The following ANKRD6 variants were observed in gnomAD, a reference collection of about 807,000 sequenced individuals.
ANKRD6 encodes ankyrin repeat domain-containing protein 6.
In ANKRD6, 56 loss-of-function variants were observed where a neutral mutation model predicts 82.3. That is an observed-to-expected ratio of 0.68 (90% CI 0.55 to 0.85). The LOEUF is 0.85. ANKRD6 is among the 40% of genes least tolerant of loss of function. ANKRD6 has a pLI of 0.00. For synonymous variants in ANKRD6, 347 were observed against 352.1 expected, an observed-to-expected ratio of 0.99 and a Z score of 0.16; for missense variants, 852 against 907.6, an observed-to-expected ratio of 0.94 and a Z score of 0.79.
In ANKRD6 at chr6:89,627,706, A is replaced by C; in HGVS notation, c.1485+10A>C. ...GGGGGAGAAACGACAGGTAGGAACC[A>C]GCATCTGCTAGTCCTTAACTTATGA... On this transcript the variant is annotated intron_variant, in intron 14 of 15. Transcript: ENST00000339746. 2 of 1,611,994 alleles carry C rather than the reference A, an allele frequency of 1.2e-6. No individual in the cohort carries two copies. Among genetic ancestry groups the C allele is most frequent in the South Asian group, 2.2e-5 (2 of 91,014 alleles).
At chr6:89,574,548 C>T (rs965738574) in intron 2 of ANKRD6, among the ~76,000 whole-genome samples, 1 of 152,198 alleles carries the variant, frequency 6.6e-6, no homozygotes, top group Non-Finnish European at 1.5e-5. Flanking sequence ...ACTCACATCC[C>T]ATCTGTGCCG....
chr6:89,466,859 A>G (rs1233324359), intron 1 of ANKRD6, among the ~76,000 whole-genome samples: 1 of 152,180 alleles, frequency 6.6e-6, no homozygotes, highest in Non-Finnish European at 1.5e-5. Flanking sequence ...GGCCCGTGCC[A>G]CCAAACCCGG....
At chr6:89,577,957 A>T (rs892634883) in intron 2 of ANKRD6, among the ~76,000 whole-genome samples, 1 of 152,238 alleles carries the variant, frequency 6.6e-6, no homozygotes, top group Admixed American at 6.5e-5. Flanking sequence ...ATTCATCTCC[A>T]TTTGATACCT....
At chr6:89,609,950 A>G (rs527516543) in intron 5 of ANKRD6, among the ~76,000 whole-genome samples, 17 of 152,278 alleles carry the variant, frequency 1.1e-4, no homozygotes, top group Middle Eastern at 3.4e-3. Flanking sequence ...TCAGAAGGAC[A>G]GGTCAGGAAA....
chr6:89,536,080 A>T (rs1783789813), intron 1 of ANKRD6, among the ~76,000 whole-genome samples: 1 of 152,216 alleles, frequency 6.6e-6, no homozygotes, highest in South Asian at 2.1e-4. Context: ...AAATACCAAA[A>T]TTAGCCGGGA....
At chr6:89,624,311 G>T (rs1004765725) in intron 12 of ANKRD6, among the ~76,000 whole-genome samples, 1 of 152,094 alleles carries the variant, frequency 6.6e-6, no homozygotes, top group Non-Finnish European at 1.5e-5. Flanking sequence ...AGGCCCCAGG[G>T]TATATAAAAG....
chr6:89,467,451 G>A (rs986869633), intron 1 of ANKRD6, among the ~76,000 whole-genome samples: 1 of 152,090 alleles, frequency 6.6e-6, no homozygotes, highest in African/African-American at 2.4e-5. Context: ...ATCCCATTTT[G>A]TGTGATGCTT....
intron 1 of ANKRD6, among the ~76,000 whole-genome samples, chr6:89,496,974 C>G (rs1210955703): frequency 1.3e-5 from 2 of 152,214 alleles, no homozygotes; most frequent in African/African-American, 4.8e-5. Flanking sequence ...GCCAAAGCTT[C>G]TACCCCAAAC....
intron 1 of ANKRD6, among the ~76,000 whole-genome samples, chr6:89,501,298 C>G (rs1779236498): frequency 2.0e-5 from 3 of 152,166 alleles, no homozygotes; most frequent in African/African-American, 7.2e-5. Context: ...TATGAAAAAA[C>G]ACAAATACTT....
At chr6:89,509,312 C>T (rs1780260439) in intron 1 of ANKRD6, 1 of 152,166 alleles carries the variant, frequency 6.6e-6, no homozygotes, top group Non-Finnish European at 1.5e-5. Flanking sequence ...TGGCAAAGAA[C>T]AGAGAGCAAA....
chr6:89,587,256 C>T (rs1044902615), intron 2 of ANKRD6, among the ~76,000 whole-genome samples: 10 of 151,238 alleles, frequency 6.6e-5, no homozygotes, highest in South Asian at 2.1e-4. Flanking sequence ...TTCGGGAGGC[C>T]GAGGCAGGCA....
chr6:89,616,642 G>A lies in ANKRD6; in HGVS notation c.699G>A (p.Thr233=). ...TCTTACTGGAAGCCGGAGCAGATACGACCATTGTTAACAATGTAAGTTGAG... is the reference window on the plus strand; with the variant it reads ...TCTTACTGGAAGCCGGAGCAGATACAACCATTGTTAACAATGTAAGTTGAG... ...AKILLEAGAD[T]TIVNNAGQTP... Residue 233 remains threonine (T), a synonymous_variant, in exon 8 of 16, where the codon ACG becomes ACA. Coordinates refer to ENST00000339746, the MANE Select transcript of ANKRD6 (RefSeq NM_001242809.2). 1.6e-5 allele frequency: 26 copies of A among 1,613,982 alleles called. No individual in the cohort carries two copies. Among genetic ancestry groups the A allele is most frequent in the Non-Finnish European group, 2.2e-5 (26 of 1,179,876 alleles).
At chr6:89,472,113 G>A (rs1264238125) in intron 1 of ANKRD6, among the ~76,000 whole-genome samples, 1 of 152,030 alleles carries the variant, frequency 6.6e-6, no homozygotes, top group Non-Finnish European at 1.5e-5. Flanking sequence ...TCCAATCCCT[G>A]CTTTCATCTT....
chr6:89,593,888 G>A (rs1425818808), intron 2 of ANKRD6, among the ~76,000 whole-genome samples: 1 of 152,212 alleles, frequency 6.6e-6, no homozygotes, highest in Non-Finnish European at 1.5e-5. Context: ...TCTTCTGGAT[G>A]TCACCCTTGA....
At chr6:89,529,796 G>C (rs1485846542) in intron 1 of ANKRD6, among the ~76,000 whole-genome samples, 1 of 152,192 alleles carries the variant, frequency 6.6e-6, no homozygotes, top group Non-Finnish European at 1.5e-5. Flanking sequence ...CAAGGAGAGG[G>C]AGAGAGAAGG....
chr6:89,576,627 G>A (rs574876145), intron 2 of ANKRD6, among the ~76,000 whole-genome samples: 1 of 152,254 alleles, frequency 6.6e-6, no homozygotes, highest in East Asian at 1.9e-4. Flanking sequence ...CTTGGTCCTT[G>A]CTGGAGCTTG....
chr6:89,631,251 TC>T lies in ANKRD6; in HGVS notation c.*249del. On this transcript the variant is annotated 3_prime_UTR_variant, in exon 16 of 16. Coordinates refer to ENST00000339746, the MANE Select transcript of ANKRD6 (RefSeq NM_001242809.2). ...TTTCATTATAAACTCTTAGCCTCAG[TC>T]CAGGTTAATCTGAAGTTTGAAAGCT... 1 of 487,032 alleles carries T rather than the reference TC, an allele frequency of 2.1e-6. No homozygotes were observed. 30.2% of individuals were successfully genotyped at this position (487,032 alleles called of 1,614,324 possible).
At chr6:89,453,760 A>G (rs1773167928) in intron 1 of ANKRD6, among the ~76,000 whole-genome samples, 1 of 149,232 alleles carries the variant, frequency 6.7e-6, no homozygotes, top group African/African-American at 2.4e-5. Flanking sequence ...TTTTTTATTT[A>G]TTTATTTATT....
intron 1 of ANKRD6, among the ~76,000 whole-genome samples, chr6:89,560,562 G>A (rs1030904539): frequency 6.6e-6 from 1 of 152,196 alleles, no homozygotes; most frequent in Admixed American, 6.5e-5. Context: ...GGTGGCTCAC[G>A]CCTATAATCC....
Sources: allele counts gnomAD v4.1 joint callset (sites outside exome capture counted in the v4.1 genomes callset), GRCh38; gene constraint gnomAD v4.1.1; transcripts MANE v1.5; gene names NCBI Gene and HGNC (gene_info 2026-07-23, HGNC 2026-07-21).